CHD6: variants seen among roughly 807,000 people sequenced by gnomAD.
The protein encoded by CHD6 is chromodomain helicase DNA binding protein 6, also known as ATP-dependent chromatin remodeler CHD6.
Under a neutral mutation model 276.9 loss-of-function variants are expected in CHD6, and 50 were observed. The ratio of observed to expected loss-of-function variants is 0.18; its 90% CI spans 0.14 to 0.23. CHD6 has a LOEUF of 0.23. CHD6 is among the 10% of genes least tolerant of loss of function. CHD6 has a pLI of 1.00. For synonymous variants in CHD6, 1,173 were observed against 1,229.3 expected, an observed-to-expected ratio of 0.95 and a Z score of 0.96; for missense variants, 2,564 against 3,365.8, an observed-to-expected ratio of 0.76 and a Z score of 5.89.
rs763808995 is a variant in CHD6 at position 41,416,745 on chromosome 20, T to A, written c.6329A>T (p.Lys2110Met). 1.2e-6 allele frequency: 2 copies of A among 1,610,972 alleles called. No homozygotes were observed. Among genetic ancestry groups the A allele is most frequent in the Non-Finnish European group, 1.7e-6 (2 of 1,177,878 alleles). ...CTGCTGGCTAGAGGGCCACTTCCCCTTTAACACCACGTGGCAGATATTATC... is the reference window on the plus strand; with the variant it reads ...CTGCTGGCTAGAGGGCCACTTCCCCATTAACACCACGTGGCAGATATTATC... ...RLDNICHVVL[K>M]GKWPSSQQYE... The change falls in exon 33 of 37, where the codon AAG becomes ATG. Residue 2110 changes from lysine (K) to methionine (M), a missense_variant. Transcript: ENST00000373233.
chr20:41,512,125 G>A (rs986407862), intron 5 of CHD6, among the ~76,000 whole-genome samples: 4 of 135,514 alleles, frequency 3.0e-5, no homozygotes, highest in African/African-American at 9.9e-5. Flanking sequence ...GCACCACCAT[G>A]CCCAGCTAAT....
chr20:41,611,047 C>T (rs967153079), intron 1 of CHD6, among the ~76,000 whole-genome samples: 2 of 152,182 alleles, frequency 1.3e-5, no homozygotes, highest in South Asian at 2.1e-4. Context: ...AGCTGCCTTG[C>T]TTTTTGTAAA....
chr20:41,520,052 C>G (rs1317406361), intron 3 of CHD6, among the ~76,000 whole-genome samples: 1 of 152,070 alleles, frequency 6.6e-6, no homozygotes, highest in Non-Finnish European at 1.5e-5. Flanking sequence ...TTTATGCCGC[C>G]AAAAGACACA....
chr20:41,551,824 G>A (rs2045151468), intron 1 of CHD6, among the ~76,000 whole-genome samples: 1 of 152,150 alleles, frequency 6.6e-6, no homozygotes, highest in African/African-American at 2.4e-5. Flanking sequence ...TTCTCTCTAA[G>A]GAGTGAGACA....
chr20:41,610,949 T>A (rs1006532561), intron 1 of CHD6, among the ~76,000 whole-genome samples: 1 of 152,140 alleles, frequency 6.6e-6, no homozygotes, highest in Admixed American at 6.5e-5. Flanking sequence ...TCAATCTTAG[T>A]ATGAAAGAAA....
At position 41,420,667 on chromosome 20, in the gene CHD6, T is replaced by C. The variant is rs776673897; in HGVS notation, c.5968A>G (p.Lys1990Glu). Residue 1990 changes from lysine (K) to glutamate (E), a missense_variant, in exon 31 of 37, where the codon AAA becomes GAA. By Grantham distance (56) the Lys-to-Glu change is moderately conservative. This residue lies in a region of CHD6 where 1,024 missense variants were observed against 1,047.9 expected (regional missense o/e 0.98). Transcript: ENST00000373233. ...TCTTTTAAAAGCTCATGCTTCACTT[T>C]AAACGGCTGTGATGGAATAGCAGTG... ...EPTAIPSQPF[K>E]VKHELLKEPW... The C allele has an allele frequency of 6.2e-6, 10 of 1,614,258 alleles. No individual in the cohort carries two copies. In the South Asian group the frequency reaches 1.1e-4, roughly 18 times the overall value.
intron 36 of CHD6, among the ~76,000 whole-genome samples, chr20:41,408,582 T>C (rs1395551695): frequency 6.6e-6 from 1 of 152,210 alleles, no homozygotes; most frequent in Non-Finnish European, 1.5e-5. Context: ...CTTGCTGGCA[T>C]GGCACCACAG....
chr20:41,468,340 C>CCT (rs890218354), intron 17 of CHD6, among the ~76,000 whole-genome samples: 2 of 152,088 alleles, frequency 1.3e-5, no homozygotes, highest in Admixed American at 1.3e-4. Context: ...GAACTCCTGA[C>CCT]CTCAGGTGAT....
rs373158311 is a variant in CHD6, at chr20:41,404,316, T to C, written c.*277A>G. 36 of 1,144,328 alleles carry C rather than the reference T, an allele frequency of 3.1e-5. No homozygotes were observed. The East Asian group carries it at 8.2e-4, about 26-fold the overall frequency. 70.9% of individuals were successfully genotyped at this position (1,144,328 alleles called of 1,614,324 possible). On this transcript the variant is annotated 3_prime_UTR_variant, in exon 37 of 37. Transcript: ENST00000373233. ...ACTTGGAAGAGAAGGGGGTAGGGCG[T>C]GTCACCAAGTACTGTATTAACTATG...
chr20:41,514,309 A>C (rs2044197757), intron 4 of CHD6, among the ~76,000 whole-genome samples: 1 of 152,182 alleles, frequency 6.6e-6, no homozygotes, highest in Admixed American at 6.5e-5. Context: ...TAACACTGTC[A>C]CGGGCACATT....
At chr20:41,460,441 G>A (rs1024007774) in intron 17 of CHD6, among the ~76,000 whole-genome samples, 3 of 152,182 alleles carry the variant, frequency 2.0e-5, no homozygotes, top group Non-Finnish European at 4.4e-5. Flanking sequence ...CGGAGGCCTA[G>A]GAGGAAAAAG....
At position 41,473,930 on chromosome 20, in the gene CHD6, C is replaced by T. The variant is rs960448527; in HGVS notation, c.2469-413G>A. On this transcript the variant is annotated intron_variant, in intron 16 of 36. Transcript: ENST00000373233. The surrounding 1 kb of genome is among the most constrained non-coding windows in gnomAD (Gnocchi z 4.1). ...TCCCATCTACTTTGAGTAGTGCTCA[C>T]AAAAAGGACTCAGAGTTTTCATCAG... 6.6e-6 allele frequency among the ~76,000 whole-genome samples: 1 copy of T among 152,142 alleles called. No homozygotes were observed. Among genetic ancestry groups the T allele is most frequent in the South Asian group, 2.1e-4 (1 of 4,830 alleles).
chr20:41,550,741 T>C (rs2045132700), intron 2 of CHD6, among the ~76,000 whole-genome samples: 1 of 152,200 alleles, frequency 6.6e-6, no homozygotes, highest in Non-Finnish European at 1.5e-5. Context: ...TTCCTTTGAA[T>C]ATGTTATACT....
chr20:41,493,832 A>G (rs1276343713), intron 9 of CHD6, 26 bp downstream of exon 9: 1 of 1,594,720 alleles, frequency 6.3e-7, no homozygotes, highest in Admixed American at 1.7e-5. Context: ...AGAAGGGAAG[A>G]TGCTTCAGGA....
At chr20:41,557,754 A>T (rs2045256837) in intron 1 of CHD6, among the ~76,000 whole-genome samples, 1 of 152,208 alleles carries the variant, frequency 6.6e-6, no homozygotes, top group Admixed American at 6.5e-5. Flanking sequence ...ATAACGATGG[A>T]GAATTCTGCT....
In CHD6 at chr20:41,452,792, G is replaced by A. The variant is rs774385291; in HGVS notation, c.3271C>T (p.Arg1091Cys). 2.0e-5 allele frequency: 32 copies of A among 1,613,058 alleles called. No homozygotes were observed. Among genetic ancestry groups the A allele is most frequent in the Admixed American group, 6.7e-5 (4 of 59,832 alleles). Reference sequence around the variant, plus strand: ...CGGAAGCACTCCGCTCGGAGGTAGCGCCTGGCTTTGTCATTGAGGCGCCTG... The same window carrying A: ...CGGAAGCACTCCGCTCGGAGGTAGCACCTGGCTTTGTCATTGAGGCGCCTG... ...RSRRLNDKAR[R>C]YLRAECFRVE... Residue 1091 changes from arginine to cysteine, a missense_variant, in exon 21 of 37, where the codon CGC (arginine) becomes TGC (cysteine). This residue lies in a region of CHD6 where 515 missense variants were observed against 739.5 expected (regional missense o/e 0.70). Coordinates refer to ENST00000373233, the MANE Select transcript of CHD6 (RefSeq NM_032221.5). The surrounding 1 kb of genome is among the most constrained non-coding windows in gnomAD (Gnocchi z 4.2).
chr20:41,483,381 C>T lies in CHD6; in HGVS notation c.2396G>A (p.Gly799Asp), dbSNP rs1320880430. The T allele has an allele frequency of 6.2e-7, 1 of 1,613,630 alleles. No individual in the cohort carries two copies. Among genetic ancestry groups the T allele is most frequent in the Non-Finnish European group, 8.5e-7 (1 of 1,179,842 alleles). ...CTGGGAGAAGATGAGTACTTTGTGG[C>T]CACCTGCAATCAGCTTAGGGAGTAG... ...DKLLPKLIAGGHKVLIFSQMV... is the reference protein window; with the variant it reads ...DKLLPKLIAGDHKVLIFSQMV... The change falls in exon 16 of 37, where the codon GGC (glycine) becomes GAC (aspartate). Residue 799 changes from glycine (G) to aspartate (D), a missense_variant. Coordinates refer to ENST00000373233, the MANE Select transcript of CHD6 (RefSeq NM_032221.5).
At chr20:41,579,219 G>A (rs567940311) in intron 1 of CHD6, among the ~76,000 whole-genome samples, 3 of 148,696 alleles carry the variant, frequency 2.0e-5, no homozygotes, top group Admixed American at 6.7e-5. Context: ...GGCTGATCAC[G>A]AGGTCAGGAG....
intron 1 of CHD6, among the ~76,000 whole-genome samples, chr20:41,617,927 G>A (rs960210744): frequency 4.8e-5 from 7 of 147,094 alleles, no homozygotes; most frequent in African/African-American, 1.7e-4. Context: ...CTGGGCCCGG[G>A]GGTCCCACCG....
Sources: gnomAD v4.1 joint callset for allele counts (sites outside exome capture counted in the v4.1 genomes callset) on GRCh38, gnomAD v4.1.1 for gene constraint, gnomAD v4.1.1 regional missense constraint, Gnocchi (gnomAD v3.1) non-coding constraint, MANE v1.5 for transcripts, NCBI Gene and HGNC (gene_info 2026-07-23, HGNC 2026-07-21) for gene names.